CELSR1: variants seen among roughly 807,000 people sequenced by gnomAD.
CELSR1 encodes cadherin EGF LAG seven-pass G-type receptor 1, also known as adhesion G protein-coupled receptor C1.
A neutral mutation model predicts 249.1 loss-of-function variants in CELSR1; 110 were observed. The ratio of observed to expected loss-of-function variants is 0.44; its 90% confidence interval spans 0.38 to 0.52. CELSR1 has a LOEUF of 0.52. Among genes scored for constraint, CELSR1 ranks in the 20% least tolerant of loss-of-function variants. The pLI, the probability that CELSR1 is intolerant of heterozygous loss-of-function variation, is 0.00. For synonymous variants in CELSR1, 2,113 were observed against 1,900.0 expected (o/e 1.11, Z -2.92); for missense variants, 4,109 against 4,296.4 (o/e 0.96, Z 1.22).
chr22:46,382,762 T>C (rs2147222936), intron 20 of CELSR1, among the ~76,000 whole-genome samples: 1 of 152,286 alleles, frequency 6.6e-6, no homozygotes, highest in East Asian at 1.9e-4. Context: ...CAGGTGAACC[T>C]AGCGGACATT....
At position 46,398,282 on chromosome 22, in the gene CELSR1, G is replaced by A. The variant is rs574948692; in HGVS notation, c.5526+242C>T. Among the ~76,000 whole-genome samples the A allele has an allele frequency of 1.3e-5, 2 of 152,198 alleles. No individual in the cohort carries two copies. Among genetic ancestry groups the A allele is most frequent in the African/African-American group, 4.8e-5 (2 of 41,448 alleles). On this transcript the variant is annotated intron_variant, in intron 11 of 34. Transcript: ENST00000674500. This position sits in a 1 kb window ranked among gnomAD's most constrained non-coding sequence, Gnocchi z 7.2. ...GACACTTCACAAAGGCAGAGGGGCA[G>A]GTGGCTGGCATGGCGGTGGGGAGCT...
Position 46,374,927 on chromosome 22 carries a change from G to A in CELSR1, c.7585-1870C>T, listed in dbSNP as rs751296547. On this transcript the variant is annotated intron_variant, in intron 24 of 34. Coordinates refer to ENST00000674500, the MANE Select transcript of CELSR1 (RefSeq NM_001378328.1). The surrounding 1 kb of genome is among the most constrained non-coding windows in gnomAD (Gnocchi z 4.3). ...CGGCCTCGGGAAGCACCTGGGAGGC[G>A]GCGGGGAAGGTTGGCCCTGGCTGGT... Among the ~76,000 whole-genome samples the A allele has an allele frequency of 1.3e-5, 2 of 152,072 alleles. No homozygotes were observed. Among genetic ancestry groups the A allele is most frequent in the Non-Finnish European group, 2.9e-5 (2 of 68,030 alleles).
At chr22:46,426,848 C>T (rs752827879) in intron 5 of CELSR1, among the ~76,000 whole-genome samples, 13 of 152,222 alleles carry the variant, frequency 8.5e-5, no homozygotes, top group South Asian at 2.1e-4. Flanking sequence ...AATGGGCCTT[C>T]GCCAGGCCCC....
In CELSR1 at chr22:46,447,004, A is replaced by C. The variant is rs1266690040; in HGVS notation, c.4184-7593T>G. ...ACAGCCCTGCACAGAAGATAAAGTT[A>C]AGCAAAGCGGGAGTGGATTACAGTA... On this transcript the variant is annotated intron_variant, in intron 2 of 34. Transcript: ENST00000674500. The surrounding 1 kb of genome is among the most constrained non-coding windows in gnomAD (Gnocchi z 4.7). 6.6e-6 allele frequency among the ~76,000 whole-genome samples: 1 copy of C among 152,026 alleles called. No individual in the cohort carries two copies. The highest frequency in any genetic ancestry group is 1.5e-5 in the Non-Finnish European group (1 of 68,006).
chr22:46,457,311 C>T (rs1265301938), intron 2 of CELSR1, among the ~76,000 whole-genome samples: 1 of 151,950 alleles, frequency 6.6e-6, no homozygotes, highest in Non-Finnish European at 1.5e-5. Context: ...TGCCACTGCA[C>T]TCCAGCCCGG....
chr22:46,364,487 C>T, intron 33 of CELSR1, 25 bp downstream of exon 33: 2 of 1,595,368 alleles, frequency 1.3e-6, no homozygotes, highest in East Asian at 2.2e-5. Context: ...CAGCCTTTCA[C>T]TGCAGCCCCG....
intron 2 of CELSR1, among the ~76,000 whole-genome samples, chr22:46,462,186 G>A (rs6520016): frequency 1.3e-5 from 2 of 152,072 alleles, no homozygotes; most frequent in African/African-American, 4.8e-5. Context: ...AGAGACAGCG[G>A]GGGGAAGAGC....
At chr22:46,392,524 T>C (rs533725827) in intron 14 of CELSR1, among the ~76,000 whole-genome samples, 4 of 152,146 alleles carry the variant, frequency 2.6e-5, no homozygotes, top group Non-Finnish European at 5.9e-5. Flanking sequence ...GTGACTGCGA[T>C]CTTTATGGGT....
chr22:46,426,881 C>T (rs2079543595), intron 5 of CELSR1, among the ~76,000 whole-genome samples: 1 of 152,198 alleles, frequency 6.6e-6, no homozygotes, highest in African/African-American at 2.4e-5. Flanking sequence ...GCTCAGGCTT[C>T]CAGCCTCCAG....
rs920960350 is a variant in CELSR1, at chr22:46,390,991, T to C, written c.6250+195A>G. On this transcript the variant is annotated intron_variant, in intron 16 of 34. Coordinates refer to ENST00000674500, the MANE Select transcript of CELSR1 (RefSeq NM_001378328.1). The surrounding 1 kb of genome is among the most constrained non-coding windows in gnomAD (Gnocchi z 6.3). ...GCGGGCGTCCCCACACGCGCTGCAC[T>C]GTTCATGTTTCTGTTGCGCCCTCTG... Among the ~76,000 whole-genome samples the C allele has an allele frequency of 1.3e-5, 2 of 152,238 alleles. No homozygotes were observed. Among genetic ancestry groups the C allele is most frequent in the African/African-American group, 4.8e-5 (2 of 41,468 alleles).
intron 19 of CELSR1, among the ~76,000 whole-genome samples, chr22:46,385,365 G>A (rs1407704787): frequency 6.6e-6 from 1 of 152,232 alleles, no homozygotes; most frequent in Non-Finnish European, 1.5e-5. Context: ...CCAGTGCTGG[G>A]ATTACAGGTG....
intron 1 of CELSR1, among the ~76,000 whole-genome samples, chr22:46,531,129 T>A (rs559666065): frequency 6.6e-6 from 1 of 152,302 alleles, no homozygotes; most frequent in East Asian, 1.9e-4. Flanking sequence ...TCAATAGTGA[T>A]TTACTTATTT....
chr22:46,383,475 GT>G lies in CELSR1; in HGVS notation c.6883+1067del, dbSNP rs561918463. Among the ~76,000 whole-genome samples the G allele has an allele frequency of 3.3e-5, 5 of 152,146 alleles. No homozygotes were observed. In the East Asian group the frequency reaches 5.8e-4, roughly 18 times the overall value. ...ACAGCATTCTGGCTTTTTTGTTGTTGTTTTTTTGCGGGAAGGGGAAGGTGAT... is the reference window on the plus strand; with the variant it reads ...ACAGCATTCTGGCTTTTTTGTTGTTGTTTTTTGCGGGAAGGGGAAGGTGAT... On this transcript the variant is annotated intron_variant, in intron 20 of 34. Coordinates refer to ENST00000674500, the MANE Select transcript of CELSR1 (RefSeq NM_001378328.1).
chr22:46,452,729 G>A (rs1235242047), intron 2 of CELSR1, among the ~76,000 whole-genome samples: 1 of 152,262 alleles, frequency 6.6e-6, no homozygotes, highest in Non-Finnish European at 1.5e-5. Flanking sequence ...AGATGAGGAT[G>A]AGCCTGGTGG....
Position 46,533,808 on chromosome 22 carries a change from G to T in CELSR1, c.3363C>A (p.Thr1121=), listed in dbSNP as rs551354592. 1.9e-5 allele frequency: 30 copies of T among 1,613,816 alleles called. No homozygotes were observed. In the South Asian group the frequency reaches 2.9e-4, roughly 15 times the overall value. The change falls in exon 1 of 35, where the codon ACC becomes ACA. Residue 1121 remains threonine (T), a synonymous_variant. Transcript: ENST00000674500. ...GGGCCGGGATGCAGCCGATCACGCC[G>T]GTGGGGAAACTGTTGGACTTGTTGG... ...YVTNKSNSFP[T]GVIGCIPAHD... is the part of the protein sequence containing the mutation.
At position 46,381,865 on chromosome 22, in the gene CELSR1, G is replaced by A. The variant is rs776008525; in HGVS notation, c.7069C>T (p.Pro2357Ser). The change falls in exon 21 of 35, where the codon CCC becomes TCC. Residue 2357 changes from proline (P) to serine (S), a missense_variant. Around this residue, in one of 7 missense-constraint regions of CELSR1, gnomAD observed 1,805 missense variants for 1,831.6 expected, o/e 0.99. Coordinates refer to ENST00000674500, the MANE Select transcript of CELSR1 (RefSeq NM_001378328.1). This position sits in a 1 kb window ranked among gnomAD's most constrained non-coding sequence, Gnocchi z 6.0. ...CCTTACCGGAGGCTGCGACGGTCGG[G>A]GTCGTAGCGCTCGGGCAGGAGCTGC... ...LGQLLPERYD[P>S]DRRSLRLPHR... 1.2e-5 allele frequency: 18 copies of A among 1,564,306 alleles called. No individual in the cohort carries two copies. The highest frequency in any genetic ancestry group is 5.4e-5 in the African/African-American group (4 of 73,900).
In CELSR1 at chr22:46,463,615, C is replaced by T. The variant is rs998043783; in HGVS notation, c.4183+92G>A. On this transcript the variant is annotated intron_variant, in intron 2 of 34. Transcript: ENST00000674500. ...GCGCCCATCCTCCAGCTGTTTTCCC[C>T]GGAGGGAAGTAAACAGAGGAAACCA... The T allele has an allele frequency of 2.1e-5, 29 of 1,352,050 alleles. No homozygotes were observed. In the African/African-American group the frequency reaches 3.0e-4, roughly 14 times the overall value. The allele number at this position is 1,352,050 out of a possible 1,614,324, so 83.8% of individuals were successfully genotyped here. A position where few individuals can be genotyped will look rare whatever the true frequency, so the allele number is the denominator to read the frequency against.
At chr22:46,459,157 G>A (rs925780496) in intron 2 of CELSR1, among the ~76,000 whole-genome samples, 2 of 152,100 alleles carry the variant, frequency 1.3e-5, no homozygotes, top group East Asian at 1.9e-4. Flanking sequence ...CAAAGTGCTG[G>A]GATTACAGAT....
chr22:46,435,710 A>C (rs962983085), intron 4 of CELSR1, among the ~76,000 whole-genome samples: 1 of 150,948 alleles, frequency 6.6e-6, no homozygotes, highest in Non-Finnish European at 1.5e-5. Flanking sequence ...TTTTATTATT[A>C]TTATTTTTTG....
Sources: allele counts gnomAD v4.1 joint callset (sites outside exome capture counted in the v4.1 genomes callset), GRCh38; gene constraint gnomAD v4.1.1; regional missense constraint gnomAD v4.1.1; non-coding constraint Gnocchi (gnomAD v3.1); transcripts MANE v1.5; gene names NCBI Gene and HGNC (gene_info 2026-07-23, HGNC 2026-07-21).